Variants in WWOX observed in about 807,000 individuals in gnomAD.
The protein encoded by WWOX is WW domain-containing oxidoreductase.
Under a neutral mutation model 46.2 loss-of-function variants are expected in WWOX, and 69 were observed. The observed-to-expected ratio is 1.49, with a 90% CI of 1.23 to 1.82. The LOEUF (loss-of-function observed/expected upper bound fraction) is 1.82, where lower values mean the gene tolerates loss of function less well. Among genes scored for constraint, WWOX ranks in the 40% most tolerant of loss-of-function variants. WWOX has a pLI of 0.00. For synonymous variants in WWOX, 359 were observed against 202.6 expected (o/e 1.77, Z -6.56); for missense variants, 919 against 542.6 (o/e 1.69, Z -6.89).
chr16:78,328,054 A>G (rs1047752969), intron 5 of WWOX, among the ~76,000 whole-genome samples: 1 of 151,856 alleles, frequency 6.6e-6, no homozygotes, highest in African/African-American at 2.4e-5. Context: ...TTGTATTTTT[A>G]GTAGAGATGA....
intron 8 of WWOX, among the ~76,000 whole-genome samples, chr16:78,926,729 G>C (rs1199613391): frequency 6.6e-6 from 1 of 152,174 alleles, no homozygotes; most frequent in Non-Finnish European, 1.5e-5. Context: ...ATGGAGAAAA[G>C]TCTTTCTACA....
chr16:78,253,209 C>T (rs1054763485), intron 5 of WWOX, among the ~76,000 whole-genome samples: 9 of 152,164 alleles, frequency 5.9e-5, no homozygotes, highest in Admixed American at 1.3e-4. Context: ...AAGTAATTTA[C>T]TTAAGGTCCT....
chr16:78,179,109 G>T (rs1300202409), intron 5 of WWOX, among the ~76,000 whole-genome samples: 1 of 152,132 alleles, frequency 6.6e-6, no homozygotes, highest in Non-Finnish European at 1.5e-5. Flanking sequence ...CATTTTTGGG[G>T]AGACAGAAAC....
At chr16:78,201,674 ATTATTTATTTATTTAT>A (rs149809338) in intron 5 of WWOX, among the ~76,000 whole-genome samples, 14 of 146,474 alleles carry the variant, frequency 9.6e-5, no homozygotes, top group Admixed American at 2.7e-4. Context: ...CATTCCTTGG[ATTATTTATTTATTTAT>A]TTATTTATTT....
At chr16:78,858,975 G>A (rs1383608610) in intron 8 of WWOX, among the ~76,000 whole-genome samples, 1 of 128,226 alleles carries the variant, frequency 7.8e-6, no homozygotes, top group Non-Finnish European at 1.6e-5. Context: ...CACCACGGCT[G>A]GCCAATATCT....
In WWOX at chr16:78,816,794, G is replaced by A. The variant is rs552334342; in HGVS notation, c.1056+384042G>A. On this transcript the variant is annotated intron_variant, in intron 8 of 8. Transcript: ENST00000566780. ...TCAGTTTTTTTTGGTTTCTTGAGAA[G>A]ATCATCTTTAAGTCAAAAGTTATGC... Among the ~76,000 whole-genome samples the A allele has an allele frequency of 1.0e-3, 153 of 152,122 alleles. 2 individuals carry two copies. The Middle Eastern group carries it at 0.01, about 10-fold the overall frequency.
chr16:78,774,978 G>A (rs937209497), intron 8 of WWOX, among the ~76,000 whole-genome samples: 1 of 152,114 alleles, frequency 6.6e-6, no homozygotes, highest in African/African-American at 2.4e-5. Context: ...GCTCGAAGAG[G>A]GGCTGCAGGT....
intron 8 of WWOX, among the ~76,000 whole-genome samples, chr16:78,917,889 A>G (rs961878354): frequency 6.6e-6 from 1 of 152,150 alleles, no homozygotes; most frequent in Admixed American, 6.5e-5. Flanking sequence ...TGTTTTTTAA[A>G]ACAAAAAAAA....
chr16:78,101,822 G>C (rs2031813085), intron 1 of WWOX, among the ~76,000 whole-genome samples: 1 of 152,190 alleles, frequency 6.6e-6, no homozygotes, highest in African/African-American at 2.4e-5. Context: ...GCTGGCACTG[G>C]TTATACCGAG....
At chr16:78,821,105 T>A (rs1482238184) in intron 8 of WWOX, among the ~76,000 whole-genome samples, 1 of 152,178 alleles carries the variant, frequency 6.6e-6, no homozygotes, top group African/African-American at 2.4e-5. Context: ...AGGGGGACAC[T>A]ATTGAACCCA....
chr16:78,883,659 G>C (rs910685613), intron 8 of WWOX, among the ~76,000 whole-genome samples: 1 of 151,890 alleles, frequency 6.6e-6, no homozygotes, highest in South Asian at 2.1e-4. Context: ...AGGAGATGGA[G>C]GTTGCAGTGA....
intron 1 of WWOX, among the ~76,000 whole-genome samples, chr16:78,103,115 C>T (rs1322157414): frequency 6.6e-6 from 1 of 152,170 alleles, no homozygotes; most frequent in Non-Finnish European, 1.5e-5. Flanking sequence ...TGGCCTTTCT[C>T]CCATCTGCTT....
At chr16:78,387,054 G>A (rs1053350851) in intron 6 of WWOX, 106 bp downstream of exon 6, 21 of 1,159,598 alleles carry the variant, frequency 1.8e-5, no homozygotes, top group African/African-American at 9.0e-5. Context: ...TTGTCTTGGC[G>A]TCCAAACAGG....
chr16:78,684,997 T>A (rs1353219911), intron 8 of WWOX, among the ~76,000 whole-genome samples: 4 of 152,148 alleles, frequency 2.6e-5, no homozygotes, highest in Non-Finnish European at 5.9e-5. Flanking sequence ...TCAATGTGAT[T>A]TTTATTCTGG....
chr16:79,175,644 A>C (rs902527631), intron 8 of WWOX, among the ~76,000 whole-genome samples: 1 of 152,206 alleles, frequency 6.6e-6, no homozygotes, highest in Non-Finnish European at 1.5e-5. Flanking sequence ...AGCTGTGATG[A>C]GGACGTGCTC....
intron 5 of WWOX, among the ~76,000 whole-genome samples, chr16:78,377,716 G>T (rs1335085380): frequency 6.6e-6 from 1 of 152,144 alleles, no homozygotes; most frequent in African/African-American, 2.4e-5. Context: ...TTTCTGGCAG[G>T]ATAAGCATTT....
rs1491445507 is a variant in WWOX, at chr16:78,144,524, T to TA, written c.410-19659_410-19658insA. Reference sequence around the variant, plus strand: ...ACATATATATATATATATATATATATTTTTTTTTTTTTTTGGAGATGGAGT... The same window carrying TA: ...ACATATATATATATATATATATATATATTTTTTTTTTTTTTGGAGATGGAGT... On this transcript the variant is annotated intron_variant, in intron 4 of 8. Transcript: ENST00000566780. Among the ~76,000 whole-genome samples, 9 of 23,090 alleles carry TA rather than the reference T, an allele frequency of 3.9e-4. 1 individual carries two copies. Among genetic ancestry groups the TA allele is most frequent in the East Asian group, 5.1e-3 (2 of 392 alleles). The allele number at this position is 23,090 out of a possible 152,430, so 15.1% of individuals were successfully genotyped here.
intron 5 of WWOX, among the ~76,000 whole-genome samples, chr16:78,236,118 G>C (rs2037429265): frequency 6.6e-6 from 1 of 152,220 alleles, no homozygotes; most frequent in African/African-American, 2.4e-5. Context: ...TAGGTTGCCA[G>C]CCTCTGACTC....
At chr16:78,719,960 A>G (rs1567513821) in intron 8 of WWOX, among the ~76,000 whole-genome samples, 3 of 152,184 alleles carry the variant, frequency 2.0e-5, no homozygotes, top group Admixed American at 6.5e-5. Flanking sequence ...ATTCTAAGCT[A>G]GTCTCAATTC....
Sources: gnomAD v4.1 joint callset for allele counts (sites outside exome capture counted in the v4.1 genomes callset) on GRCh38, gnomAD v4.1.1 for gene constraint, MANE v1.5 for transcripts, NCBI Gene and HGNC (gene_info 2026-07-23, HGNC 2026-07-21) for gene names.